The following NR5A1 variants were observed in gnomAD, a reference collection of about 807,000 sequenced individuals.
The protein encoded by NR5A1 is nuclear receptor subfamily 5 group A member 1.
In NR5A1, 6 loss-of-function variants were observed where a neutral mutation model predicts 42.7. That is an observed-to-expected ratio of 0.14 (90% CI 0.08 to 0.28). NR5A1 has a LOEUF of 0.28. Ranked by LOEUF, NR5A1 falls within the 10% of genes least tolerant of loss-of-function variation. The pLI is 1.00. For synonymous variants in NR5A1, 274 were observed against 277.5 expected (o/e 0.99, Z 0.12); for missense variants, 442 against 626.4 (o/e 0.71, Z 3.14).
intron 6 of NR5A1, 45 bp downstream of exon 6, chr9:124,491,036 C>CCCCCCCCCAGGGGGG: frequency 1.4e-6 from 2 of 1,401,600 alleles, no homozygotes; most frequent in Non-Finnish European, 9.6e-7. Context: ...CCCACCCACC[C>CCCCCCCCCAGGGGGG]GCCTCTGGCT....
Position 124,500,624 on chromosome 9 carries a change from C to T in NR5A1, c.336G>A (p.Gln112=). Residue 112 remains glutamine (Q), a synonymous_variant, in exon 4 of 7, where the codon CAG becomes CAA. Coordinates refer to ENST00000373588, the MANE Select transcript of NR5A1 (RefSeq NM_004959.5). This position sits in a 1 kb window ranked among gnomAD's most constrained non-coding sequence, Gnocchi z 6.9. ...CCAGCTTGAAGCCATTGGCCCGAAT[C>T]TGTGCCTTCTTCTGCTGTTTCAGGG... The part of the protein sequence containing the change: ...DRALKQQKKA[Q]IRANGFKLET... 6.2e-7 allele frequency: 1 copy of T among 1,613,228 alleles called. No homozygotes were observed. The highest frequency in any genetic ancestry group is 2.2e-5 in the East Asian group (1 of 44,896).
At chr9:124,491,583 G>T (rs1832310234) in intron 5 of NR5A1, among the ~76,000 whole-genome samples, 1 of 152,058 alleles carries the variant, frequency 6.6e-6, no homozygotes, top group Admixed American at 6.5e-5. Flanking sequence ...GGTTGGGGAG[G>T]GCAGGCCTGT....
chr9:124,503,772 C>T lies in NR5A1; in HGVS notation c.-15-362G>A, dbSNP rs1212680646. On this transcript the variant is annotated intron_variant, in intron 1 of 6. Coordinates refer to ENST00000373588, the MANE Select transcript of NR5A1 (RefSeq NM_004959.5). The surrounding 1 kb of genome is among the most constrained non-coding windows in gnomAD (Gnocchi z 9.6). ...GAGATGGGCTCAGCCGCGGGGAAGA[C>T]GCCAGGGGACCCAGGAGCGCTGGGG... Among the ~76,000 whole-genome samples the T allele has an allele frequency of 6.6e-6, 1 of 152,220 alleles. No individual in the cohort carries two copies. Among genetic ancestry groups the T allele is most frequent in the Non-Finnish European group, 1.5e-5 (1 of 68,044 alleles).
intron 6 of NR5A1, among the ~76,000 whole-genome samples, chr9:124,489,154 G>A (rs1175060423): frequency 6.6e-6 from 1 of 152,230 alleles, no homozygotes; most frequent in African/African-American, 2.4e-5. Context: ...GAGGGGCTGG[G>A]GGCCAAGACA....
Position 124,496,644 on chromosome 9 carries a change from G to A in NR5A1, c.870+3446C>T, listed in dbSNP as rs1021646479. On this transcript the variant is annotated intron_variant, in intron 4 of 6. Transcript: ENST00000373588. The surrounding 1 kb of genome is among the most constrained non-coding windows in gnomAD (Gnocchi z 5.0). ...AATTCTCTGGTGGCTGACACACCACGGGCTGGCCACTGCGCTCTGCCGGCA... is the reference window on the plus strand; with the variant it reads ...AATTCTCTGGTGGCTGACACACCACAGGCTGGCCACTGCGCTCTGCCGGCA... Among the ~76,000 whole-genome samples the A allele has an allele frequency of 6.6e-6, 1 of 152,314 alleles. No homozygotes were observed. Among genetic ancestry groups the A allele is most frequent in the African/African-American group, 2.4e-5 (1 of 41,542 alleles).
At chr9:124,491,036 C>CCCCCCACAGG in intron 6 of NR5A1, 45 bp downstream of exon 6, 1 of 1,401,602 alleles carries the variant, frequency 7.1e-7, no homozygotes, top group Non-Finnish European at 9.6e-7. Flanking sequence ...CCCACCCACC[C>CCCCCCACAGG]GCCTCTGGCT....
chr9:124,505,442 C>G (rs1832542661), intron 1 of NR5A1, among the ~76,000 whole-genome samples: 1 of 152,186 alleles, frequency 6.6e-6, no homozygotes, highest in South Asian at 2.1e-4. Context: ...TGTAGCAGCT[C>G]TCTCCCCGTC....
intron 6 of NR5A1, 45 bp downstream of exon 6, chr9:124,491,036 C>CCCCCCCCCGGGGG: frequency 2.5e-5 from 35 of 1,401,534 alleles, no homozygotes; most frequent in East Asian, 3.0e-5. Flanking sequence ...CCCACCCACC[C>CCCCCCCCCGGGGG]GCCTCTGGCT....
chr9:124,490,942 G>A, intron 6 of NR5A1, 139 bp downstream of exon 6: 1 of 1,112,762 alleles, frequency 9.0e-7, no homozygotes, highest in Non-Finnish European at 1.3e-6. Flanking sequence ...CACTGAATGA[G>A]TAAGGGAGGG....
chr9:124,494,070 A>G (rs1008817474), intron 4 of NR5A1, among the ~76,000 whole-genome samples: 3 of 152,222 alleles, frequency 2.0e-5, no homozygotes, highest in Non-Finnish European at 4.4e-5. Context: ...GGTATTTGGA[A>G]GCACACTGGG....
intron 5 of NR5A1, among the ~76,000 whole-genome samples, chr9:124,491,890 G>GCACACA (rs145384261): frequency 6.9e-6 from 1 of 145,380 alleles, no homozygotes. Flanking sequence ...ACACAGGCAG[G>GCACACA]CACACACACA....
At chr9:124,492,074 G>C (rs529086555) in intron 5 of NR5A1, among the ~76,000 whole-genome samples, 26 of 152,270 alleles carry the variant, frequency 1.7e-4, no homozygotes, top group African/African-American at 6.3e-4. Context: ...ACCGAGGAGA[G>C]AGCTGGAGAT....
chr9:124,500,351 G>A lies in NR5A1; in HGVS notation c.609C>T (p.Ser203=), dbSNP rs1335105264. Residue 203 remains serine (S), a synonymous_variant, in exon 4 of 7, where the codon AGC becomes AGT. Transcript: ENST00000373588. This position sits in a 1 kb window ranked among gnomAD's most constrained non-coding sequence, Gnocchi z 6.9. ...CGTACGGCAGCCCAGGCTGTGGGGG[G>A]CTGGCATAAGGCTCCGGGTACTCAG... is the stretch of plus-strand genomic sequence containing the variant. ...IKSEYPEPYA[S]PPQPGLPYGY... 2 of 1,556,206 alleles carry A rather than the reference G, an allele frequency of 1.3e-6. No homozygotes were observed. Among genetic ancestry groups the A allele is most frequent in the African/African-American group, 1.4e-5 (1 of 73,378 alleles).
rs1832475466 is a variant in NR5A1 at position 124,501,752 on chromosome 9, C to T, written c.245-1037G>A. ...GGGACAGGACAGGATGTCCCCTCTC[C>T]CATCCAGGAGTCCTTTCTCCAGGTG... On this transcript the variant is annotated intron_variant, in intron 3 of 6. Coordinates refer to ENST00000373588, the MANE Select transcript of NR5A1 (RefSeq NM_004959.5). This position sits in a 1 kb window ranked among gnomAD's most constrained non-coding sequence, Gnocchi z 4.1. Among the ~76,000 whole-genome samples the T allele has an allele frequency of 6.6e-6, 1 of 152,212 alleles. No homozygotes were observed. The highest frequency in any genetic ancestry group is 1.5e-5 in the Non-Finnish European group (1 of 68,046).
rs1832416100 is a variant in NR5A1 at position 124,498,315 on chromosome 9, C to A, written c.870+1775G>T. On this transcript the variant is annotated intron_variant, in intron 4 of 6. Coordinates refer to ENST00000373588, the MANE Select transcript of NR5A1 (RefSeq NM_004959.5). This position sits in a 1 kb window ranked among gnomAD's most constrained non-coding sequence, Gnocchi z 4.6. ...CTGGGCTGGTACTTATCTGCAAGGCCCCTTTAGAGAAGCTGGTGACCACTG... is the reference window on the plus strand; with the variant it reads ...CTGGGCTGGTACTTATCTGCAAGGCACCTTTAGAGAAGCTGGTGACCACTG... Among the ~76,000 whole-genome samples, 1 of 152,180 alleles carries A rather than the reference C, an allele frequency of 6.6e-6. No homozygotes were observed. Among genetic ancestry groups the A allele is most frequent in the Non-Finnish European group, 1.5e-5 (1 of 68,034 alleles).
At chr9:124,485,222 T>TC (rs2131271268) in intron 6 of NR5A1, among the ~76,000 whole-genome samples, 1 of 152,194 alleles carries the variant, frequency 6.6e-6, no homozygotes, top group South Asian at 2.1e-4. Context: ...TCCCCAGGCC[T>TC]CAAATTCTAG....
chr9:124,483,142 C>A (rs2131269519), intron 6 of NR5A1, 137 bp from the exon 7 acceptor site: 1 of 1,576,338 alleles, frequency 6.3e-7, no homozygotes, highest in Non-Finnish European at 8.6e-7. Flanking sequence ...ACCAACCATG[C>A]AACATGGTCT....
At position 124,486,102 on chromosome 9, in the gene NR5A1, G is replaced by A. The variant is rs570781945; in HGVS notation, c.1139-3097C>T. Reference sequence around the variant, plus strand: ...AGCACTGCGCCAGGGACACCGAAGCGGGGGTGCGGGGGTGGGTGCAGAAGG... The same window carrying A: ...AGCACTGCGCCAGGGACACCGAAGCAGGGGTGCGGGGGTGGGTGCAGAAGG... On this transcript the variant is annotated intron_variant, in intron 6 of 6. Transcript: ENST00000373588. 3.0e-4 allele frequency among the ~76,000 whole-genome samples: 45 copies of A among 152,266 alleles called. 1 individual carries two copies. In the South Asian group the frequency reaches 7.3e-3, roughly 25 times the overall value.
chr9:124,484,306 G>A (rs773361892), intron 6 of NR5A1, among the ~76,000 whole-genome samples: 8 of 152,190 alleles, frequency 5.3e-5, no homozygotes, highest in African/African-American at 1.2e-4. Context: ...GGATGGCCAC[G>A]TGGTGACCGC....
Sources: gnomAD v4.1 joint callset for allele counts (sites outside exome capture counted in the v4.1 genomes callset) on GRCh38, gnomAD v4.1.1 for gene constraint, Gnocchi (gnomAD v3.1) non-coding constraint, MANE v1.5 for transcripts, NCBI Gene and HGNC (gene_info 2026-07-23, HGNC 2026-07-21) for gene names.